Variants in SEMA3A observed in about 807,000 individuals in gnomAD.
The protein encoded by SEMA3A is semaphorin-3A.
Under a neutral mutation model 97.9 loss-of-function variants are expected in SEMA3A, and 29 were observed. The ratio of observed to expected loss-of-function variants is 0.30; its 90% CI spans 0.22 to 0.40. SEMA3A has a LOEUF of 0.40. Among genes scored for constraint, SEMA3A ranks in the 10% least tolerant of loss-of-function variants. The probability of loss-of-function intolerance (pLI) is 1.00; values close to 1 mark genes in which losing one functional copy is unlikely to be tolerated. For missense variants in SEMA3A, 763 were observed against 951.3 expected (o/e 0.80, Z 2.60); for synonymous variants, 321 against 323.7 (o/e 0.99, Z 0.09).
At chr7:84,365,318 G>T (rs989544626) in intron 2 of SEMA3A, among the ~76,000 whole-genome samples, 1 of 151,422 alleles carries the variant, frequency 6.6e-6, no homozygotes, top group African/African-American at 2.4e-5. Context: ...ATGTTCTTTT[G>T]GTGCCTTTAT....
At chr7:84,001,420 T>C (rs75584482) in intron 12 of SEMA3A, among the ~76,000 whole-genome samples, 2,067 of 151,616 alleles carry the variant, frequency 0.014, 53 homozygotes, top group African/African-American at 0.048. Context: ...TTCTTAAGCA[T>C]GTAGACTAGG....
intron 2 of SEMA3A, 133 bp downstream of exon 2, chr7:84,134,661 T>G (rs1796067281): frequency 1.6e-6 from 1 of 614,494 alleles, no homozygotes; most frequent in Non-Finnish European, 2.6e-6. Flanking sequence ...TCATTTTTAT[T>G]TGCATCAGAA....
intron 1 of SEMA3A, among the ~76,000 whole-genome samples, chr7:84,468,548 T>C (rs963739542): frequency 5.3e-5 from 8 of 152,228 alleles, no homozygotes; most frequent in African/African-American, 1.9e-4. Context: ...CTCCTTCTCC[T>C]TGTTGTTATC....
At chr7:83,965,627 C>CAGATATAT (rs1788641903) in intron 15 of SEMA3A, among the ~76,000 whole-genome samples, 1 of 25,502 alleles carries the variant, frequency 3.9e-5, no homozygotes, top group Non-Finnish European at 6.4e-5. Flanking sequence ...CCAATGGGTG[C>CAGATATAT]ATATATATAT....
At position 84,280,814 on chromosome 7, in the gene SEMA3A, A is replaced by T. The variant is rs1800423425; in HGVS notation, c.-83+26393T>A. 2.6e-5 allele frequency among the ~76,000 whole-genome samples: 4 copies of T among 152,112 alleles called. No individual in the cohort carries two copies. The South Asian group carries it at 6.2e-4, about 24-fold the overall frequency. On this transcript the variant is annotated intron_variant, in intron 3 of 3. Coordinates refer to the SEMA3A transcript ENST00000424555. Reference sequence around the variant, plus strand: ...TAAATAAATAAATAGGCTGTATAGAAATAATAATATAAAAATTGCATTGGC... The same window carrying T: ...TAAATAAATAAATAGGCTGTATAGATATAATAATATAAAAATTGCATTGGC...
At chr7:84,397,284 A>T (rs1233834753) in intron 1 of SEMA3A, among the ~76,000 whole-genome samples, 6 of 151,744 alleles carry the variant, frequency 4.0e-5, no homozygotes, top group Non-Finnish European at 8.8e-5. Flanking sequence ...ACTGCTCAAT[A>T]AACATTTACT....
At chr7:84,403,473 G>A (rs1412712577) in intron 1 of SEMA3A, among the ~76,000 whole-genome samples, 2 of 152,194 alleles carry the variant, frequency 1.3e-5, no homozygotes, top group African/African-American at 4.8e-5. Flanking sequence ...CTGGGGGCAG[G>A]GCACAGACGA....
chr7:84,016,588 T>G (rs1175111565), intron 6 of SEMA3A, among the ~76,000 whole-genome samples: 1 of 152,020 alleles, frequency 6.6e-6, no homozygotes, highest in Admixed American at 6.6e-5. Context: ...GTGATTTAAT[T>G]TAGTCACTTG....
intron 10 of SEMA3A, 113 bp downstream of exon 10, chr7:84,007,232 TAATCTTGA>T (rs983778308): frequency 6.6e-6 from 5 of 758,978 alleles, no homozygotes; most frequent in Non-Finnish European, 9.5e-6. Flanking sequence ...CTTTAATTTA[TAATCTTGA>T]AATCTTTTTT....
intron 12 of SEMA3A, among the ~76,000 whole-genome samples, chr7:83,986,272 T>A (rs577589163): frequency 6.6e-6 from 1 of 152,150 alleles, no homozygotes; most frequent in African/African-American, 2.4e-5. Context: ...TTCATTATTA[T>A]GAAAAACATG....
intron 2 of SEMA3A, among the ~76,000 whole-genome samples, chr7:84,364,906 A>G (rs1802808399): frequency 6.6e-6 from 1 of 151,542 alleles, no homozygotes; most frequent in Admixed American, 6.6e-5. Context: ...CTCAAGAATG[A>G]GAGCAGTTAA....
At chr7:84,235,181 A>C (rs1255429359) in intron 3 of SEMA3A, among the ~76,000 whole-genome samples, 1 of 152,124 alleles carries the variant, frequency 6.6e-6, no homozygotes, top group Non-Finnish European at 1.5e-5. Context: ...AATTGTTCAT[A>C]ATGGACTTGT....
intron 1 of SEMA3A, among the ~76,000 whole-genome samples, chr7:84,180,962 T>G (rs1797718739): frequency 6.6e-6 from 1 of 152,104 alleles, no homozygotes; most frequent in Non-Finnish European, 1.5e-5. Flanking sequence ...AGTAAATACA[T>G]TAAAATAAGC....
chr7:84,359,863 T>C (rs1321520403), intron 2 of SEMA3A, among the ~76,000 whole-genome samples: 1 of 152,072 alleles, frequency 6.6e-6, no homozygotes, highest in Non-Finnish European at 1.5e-5. Context: ...TGGTTTAGTC[T>C]TGGGAGGGTG....
chr7:84,273,524 G>A (rs1380776736), intron 3 of SEMA3A, among the ~76,000 whole-genome samples: 1 of 152,080 alleles, frequency 6.6e-6, no homozygotes, highest in Non-Finnish European at 1.5e-5. Context: ...GTTTTCCTAC[G>A]TTTACCTGAA....
intron 2 of SEMA3A, among the ~76,000 whole-genome samples, chr7:84,313,873 T>C (rs930148056): frequency 6.6e-6 from 1 of 152,016 alleles, no homozygotes; most frequent in African/African-American, 2.4e-5. Context: ...TCCTCCTCTG[T>C]GGTCTTAATC....
chr7:84,121,040 T>G lies in SEMA3A; in HGVS notation c.333+8083A>C, dbSNP rs144174132. Among the ~76,000 whole-genome samples the G allele has an allele frequency of 4.2e-3, 640 of 152,198 alleles. 7 individuals carry two copies. The highest frequency in any genetic ancestry group is 0.015 in the African/African-American group (616 of 41,528). Reference sequence around the variant, plus strand: ...TATAATAGGTATAGCATGCTGACCTTTAGATATTGATGGAGATGTTATGTT... The same window carrying G: ...TATAATAGGTATAGCATGCTGACCTGTAGATATTGATGGAGATGTTATGTT... On this transcript the variant is annotated intron_variant, in intron 3 of 16. Coordinates refer to ENST00000265362, the MANE Select transcript of SEMA3A (RefSeq NM_006080.3).
chr7:84,126,703 A>AT (rs1333779027), intron 3 of SEMA3A, among the ~76,000 whole-genome samples: 1 of 152,076 alleles, frequency 6.6e-6, no homozygotes, highest in Non-Finnish European at 1.5e-5. Context: ...ACGTTAATAG[A>AT]TTTTTGTTTG....
At chr7:84,073,603 C>G (rs528932337) in intron 4 of SEMA3A, among the ~76,000 whole-genome samples, 1 of 152,098 alleles carries the variant, frequency 6.6e-6, no homozygotes, top group South Asian at 2.1e-4. Flanking sequence ...ACAATAGCAT[C>G]AAAGAGGTGC....
Sources: gnomAD v4.1 joint callset for allele counts (sites outside exome capture counted in the v4.1 genomes callset) on GRCh38, gnomAD v4.1.1 for gene constraint, MANE v1.5 for transcripts, NCBI Gene and HGNC (gene_info 2026-07-23, HGNC 2026-07-21) for gene names.